The following RELN variants were observed in gnomAD, a reference collection of about 807,000 sequenced individuals.
RELN encodes reelin.
In RELN, 108 loss-of-function variants were observed where a neutral mutation model predicts 427.6. The observed-to-expected ratio is 0.25, with a 90% CI of 0.22 to 0.30. The LOEUF is 0.30. RELN is among the 10% of genes least tolerant of loss of function. The pLI, the probability that RELN is intolerant of heterozygous loss-of-function variation, is 1.00. For missense variants in RELN, 3,715 were observed against 4,302.8 expected, an observed-to-expected ratio of 0.86 and a Z score of 3.82; for synonymous variants, 1,524 against 1,513.4, an observed-to-expected ratio of 1.01 and a Z score of -0.16.
intron 2 of RELN, among the ~76,000 whole-genome samples, chr7:103,838,081 C>T (rs181779288): frequency 0.014 from 2,182 of 151,548 alleles, 38 homozygotes; most frequent in South Asian, 0.028. Context: ...TGGTGGTGGG[C>T]GCCTGTAGTC....
intron 3 of RELN, among the ~76,000 whole-genome samples, chr7:103,810,849 T>G (rs1792725121): frequency 6.6e-6 from 1 of 152,204 alleles, no homozygotes; most frequent in African/African-American, 2.4e-5. Flanking sequence ...TTGATTTCTC[T>G]TCTTCTGTAT....
chr7:103,485,429 A>G, intron 61 of RELN, among the ~76,000 whole-genome samples: 1 of 152,180 alleles, frequency 6.6e-6, no homozygotes, highest in East Asian at 1.9e-4. Context: ...TTAATCAAAC[A>G]CATCTAATTC....
chr7:103,914,754 T>C lies in RELN; in HGVS notation c.337+2321A>G, dbSNP rs766088642. 2.0e-5 allele frequency among the ~76,000 whole-genome samples: 3 copies of C among 152,110 alleles called. 1 individual carries two copies. The highest frequency in any genetic ancestry group is 2.1e-4 in the South Asian group (1 of 4,826). On this transcript the variant is annotated intron_variant, in intron 2 of 64. Coordinates refer to ENST00000428762, the MANE Select transcript of RELN (RefSeq NM_005045.4). Reference sequence around the variant, plus strand: ...AATACTGCATCTACAAGCAGGTCAATGTGACTCACAGCCTGAACTCTTATC... The same window carrying C: ...AATACTGCATCTACAAGCAGGTCAACGTGACTCACAGCCTGAACTCTTATC...
chr7:103,788,104 T>G (rs112881803), intron 3 of RELN, among the ~76,000 whole-genome samples: 2,503 of 152,198 alleles, frequency 0.016, 82 homozygotes, highest in African/African-American at 0.057. Flanking sequence ...ATTATCACAA[T>G]AGATGCAGAA....
rs758157213 is a variant in RELN at position 103,566,320 on chromosome 7, T to C, written c.4840A>G (p.Ile1614Val). Residue 1614 changes from isoleucine (I) to valine (V), a missense_variant, in exon 33 of 65, where the codon ATA becomes GTA. Physicochemically the swap from Ile to Val is conservative, Grantham distance 29 (BLOSUM62 3). Coordinates refer to ENST00000428762, the MANE Select transcript of RELN (RefSeq NM_005045.4). The stretch of plus-strand genomic sequence containing the variant: ...CGATACCAGTTGGCTTGCAAATCTA[T>C]AGAGCCATCAAATTTGTCTTGAAAT... ...TGFQDKFDGS[I>V]DLQANWYRIQ... 1.1e-5 allele frequency: 17 copies of C among 1,613,928 alleles called. No homozygotes were observed. Among genetic ancestry groups the C allele is most frequent in the South Asian group, 2.2e-5 (2 of 91,086 alleles).
At chr7:103,754,146 A>G (rs1791073298) in intron 4 of RELN, among the ~76,000 whole-genome samples, 1 of 152,046 alleles carries the variant, frequency 6.6e-6, no homozygotes, top group Non-Finnish European at 1.5e-5. Context: ...TATAAGTGTA[A>G]AGTACATACT....
intron 1 of RELN, among the ~76,000 whole-genome samples, chr7:103,944,501 G>A (rs370309725): frequency 1.1e-4 from 16 of 152,186 alleles, no homozygotes; most frequent in Non-Finnish European, 2.1e-4. Context: ...ATTGGATTAC[G>A]TCAGGACCAT....
rs1198747795 is a variant in RELN at position 103,937,662 on chromosome 7, TCAA to T, written c.227-20480_227-20478del. Among the ~76,000 whole-genome samples, 5 of 152,324 alleles carry T rather than the reference TCAA, an allele frequency of 3.3e-5. No homozygotes were observed. In the East Asian group the frequency reaches 5.8e-4, roughly 18 times the overall value. Reference sequence around the variant, plus strand: ...AAACTCAGCTAATGTCCAGGTACTCTCAACAACACAGAATATTCTGGAAAATTT... The same window carrying T: ...AAACTCAGCTAATGTCCAGGTACTCTCAACACAGAATATTCTGGAAAATTT... On this transcript the variant is annotated intron_variant, in intron 1 of 64. Transcript: ENST00000428762.
chr7:103,903,776 G>C (rs1795134558), intron 2 of RELN, among the ~76,000 whole-genome samples: 1 of 151,910 alleles, frequency 6.6e-6, no homozygotes, highest in Non-Finnish European at 1.5e-5. Flanking sequence ...GGAACTAGAA[G>C]AACTGCTCTT....
At chr7:103,839,036 C>A (rs1793483648) in intron 2 of RELN, among the ~76,000 whole-genome samples, 1 of 152,124 alleles carries the variant, frequency 6.6e-6, no homozygotes, top group Non-Finnish European at 1.5e-5. Flanking sequence ...TAAAGCTCAC[C>A]AAGCAATTCT....
rs963966104 is a variant in RELN, at chr7:103,640,936, GA to G, written c.2003-328del. On this transcript the variant is annotated intron_variant, in intron 16 of 64. Transcript: ENST00000428762. This position sits in a 1 kb window ranked among gnomAD's most constrained non-coding sequence, Gnocchi z 4.1. ...CTACAAAGTTTATTTTCATTAGGTA[GA>G]AAAAAAATATTTAAAAAGGACCAAT... Among the ~76,000 whole-genome samples, 7 of 151,866 alleles carry G rather than the reference GA, an allele frequency of 4.6e-5. No individual in the cohort carries two copies. Among genetic ancestry groups the G allele is most frequent in the African/African-American group, 1.2e-4 (5 of 41,444 alleles).
Position 103,652,738 on chromosome 7 carries a change from C to G in RELN, c.1576G>C (p.Val526Leu). The stretch of plus-strand genomic sequence containing the variant: ...GGAGTCTGAAGTTCAGGATTGATGA[C>G]CACAGAAACCAAAGACGGAACCTTT... ...SYKVPSLVSV[V>L]INPELQTPAT... Residue 526 changes from valine to leucine, a missense_variant, in exon 14 of 65, where the codon GTC becomes CTC. Val to Leu is a conservative substitution (Grantham distance 32). Around this residue, in one of 4 missense-constraint regions of RELN, gnomAD observed 2,208 missense variants for 2,361.7 expected, o/e 0.93. Coordinates refer to ENST00000428762, the MANE Select transcript of RELN (RefSeq NM_005045.4). 2 of 1,612,628 alleles carry G rather than the reference C, an allele frequency of 1.2e-6. No individual in the cohort carries two copies. Among genetic ancestry groups the G allele is most frequent in the Non-Finnish European group, 1.7e-6 (2 of 1,179,124 alleles).
chr7:103,973,746 A>G (rs1024726432), intron 1 of RELN, among the ~76,000 whole-genome samples: 3 of 152,222 alleles, frequency 2.0e-5, no homozygotes, highest in African/African-American at 7.2e-5. Flanking sequence ...AGAGCACATA[A>G]TGTTAAGATT....
chr7:103,626,923 A>G lies in RELN; in HGVS notation c.2702+3017T>C, dbSNP rs901993764. ...ATGGAAGAAAGTATTCAAAGAATTCAAAGCAATTCATTTCTCCACTGGAAA... is the reference window on the plus strand; with the variant it reads ...ATGGAAGAAAGTATTCAAAGAATTCGAAGCAATTCATTTCTCCACTGGAAA... On this transcript the variant is annotated intron_variant, in intron 20 of 64. Transcript: ENST00000428762. This position sits in a 1 kb window ranked among gnomAD's most constrained non-coding sequence, Gnocchi z 4.4. Among the ~76,000 whole-genome samples the G allele has an allele frequency of 3.9e-5, 6 of 152,130 alleles. No homozygotes were observed. Among genetic ancestry groups the G allele is most frequent in the African/African-American group, 1.4e-4 (6 of 41,452 alleles).
intron 2 of RELN, among the ~76,000 whole-genome samples, chr7:103,900,249 G>A (rs550608253): frequency 6.6e-6 from 1 of 152,206 alleles, no homozygotes; most frequent in Admixed American, 6.5e-5. Flanking sequence ...GATATGTGAA[G>A]GACCTCTTCA....
At chr7:103,624,906 A>G (rs17153784) in intron 20 of RELN, among the ~76,000 whole-genome samples, 5,454 of 152,300 alleles carry the variant, frequency 0.036, 160 homozygotes, top group East Asian at 0.14. Flanking sequence ...AATTAGACAT[A>G]AGGAATGAGT....
At position 103,650,408 on chromosome 7, in the gene RELN, A is replaced by G. The variant is rs749323589; in HGVS notation, c.1893-25T>C. The G allele has an allele frequency of 1.4e-5, 18 of 1,311,812 alleles. No homozygotes were observed. In the Admixed American group the frequency reaches 2.5e-4, roughly 18 times the overall value. 81.3% of individuals were successfully genotyped at this position (1,311,812 alleles called of 1,614,324 possible). The stretch of plus-strand genomic sequence containing the variant: ...CCTGCAAGAAATTTAGCACAAAACC[A>G]TCTTCACAACTATGTTCATATCTTT... On this transcript the variant is annotated intron_variant, in intron 15 of 64. Coordinates refer to ENST00000428762, the MANE Select transcript of RELN (RefSeq NM_005045.4).
intron 1 of RELN, among the ~76,000 whole-genome samples, chr7:103,943,474 G>A (rs751349208): frequency 1.3e-5 from 2 of 152,104 alleles, no homozygotes; most frequent in African/African-American, 2.4e-5. Flanking sequence ...CAAATTTGGG[G>A]AGAATAGACT....
intron 60 of RELN, among the ~76,000 whole-genome samples, chr7:103,487,012 T>C (rs1029804544): frequency 7.2e-5 from 11 of 152,180 alleles, no homozygotes; most frequent in African/African-American, 2.4e-4. Flanking sequence ...AACCCAAATG[T>C]CCATCAATGT....
Sources: gnomAD v4.1 joint callset for allele counts (sites outside exome capture counted in the v4.1 genomes callset) on GRCh38, gnomAD v4.1.1 for gene constraint, gnomAD v4.1.1 regional missense constraint, Gnocchi (gnomAD v3.1) non-coding constraint, MANE v1.5 for transcripts, NCBI Gene and HGNC (gene_info 2026-07-23, HGNC 2026-07-21) for gene names.